RNF157: variants seen among roughly 807,000 people sequenced by gnomAD.
RNF157 encodes ring finger protein 157.
A neutral mutation model predicts 88.3 loss-of-function variants in RNF157; 55 were observed. That is an observed-to-expected ratio of 0.62 (90% confidence interval 0.50 to 0.78). RNF157 has a LOEUF of 0.78. RNF157 is among the 30% of genes least tolerant of loss of function. The pLI is 0.00. For missense variants in RNF157, 788 were observed against 860.8 expected (o/e 0.92, Z 1.06); for synonymous variants, 334 against 341.2 (o/e 0.98, Z 0.23).
chr17:76,171,053 C>T (rs1441580939), intron 3 of RNF157, among the ~76,000 whole-genome samples: 3 of 151,362 alleles, frequency 2.0e-5, no homozygotes, highest in Admixed American at 6.6e-5. Flanking sequence ...CCACCATGCC[C>T]GGCTAATTTT....
intron 1 of RNF157, among the ~76,000 whole-genome samples, chr17:76,235,490 G>A (rs576332789): frequency 9.9e-5 from 15 of 152,238 alleles, no homozygotes; most frequent in Admixed American, 5.2e-4. Flanking sequence ...GAGCCACTGC[G>A]CCCAGCCGTA....
At chr17:76,162,526 C>T in intron 9 of RNF157, 26 bp downstream of exon 9, 1 of 1,564,896 alleles carries the variant, frequency 6.4e-7, no homozygotes, top group Non-Finnish European at 8.8e-7. Flanking sequence ...GGAAAGAGTA[C>T]ATTCAGAATT....
chr17:76,226,481 G>A, intron 1 of RNF157: 2 of 1,610,424 alleles, frequency 1.2e-6, no homozygotes, highest in East Asian at 2.2e-5. Context: ...AAGGTCATCT[G>A]GCATGGTTTC....
At chr17:76,227,568 C>T (rs1036649578) in intron 1 of RNF157, among the ~76,000 whole-genome samples, 2 of 151,814 alleles carry the variant, frequency 1.3e-5, no homozygotes, top group Non-Finnish European at 2.9e-5. Context: ...ATAATCTGTC[C>T]AAGGTCACAC....
At chr17:76,159,795 A>G (rs2068821339) in intron 11 of RNF157, among the ~76,000 whole-genome samples, 1 of 152,030 alleles carries the variant, frequency 6.6e-6, no homozygotes, top group Non-Finnish European at 1.5e-5. Flanking sequence ...TTTTTTTCTG[A>G]TTATAATGGA....
intron 1 of RNF157, chr17:76,225,922 G>C (rs2070075466): frequency 6.2e-7 from 1 of 1,613,210 alleles, no homozygotes. Context: ...TCTTCTGGCG[G>C]TACCTAGTGG....
intron 2 of RNF157, among the ~76,000 whole-genome samples, chr17:76,201,323 C>CAA (rs780243656): frequency 0.062 from 3,683 of 59,612 alleles, 288 homozygotes; most frequent in African/African-American, 0.15. Context: ...CTAGTCTCTA[C>CAA]AAAAAAAAAA....
Position 76,194,803 on chromosome 17 carries a change from C to G in RNF157, c.207+17561G>C, listed in dbSNP as rs561078419. 2.0e-3 allele frequency among the ~76,000 whole-genome samples: 297 copies of G among 152,248 alleles called. 4 individuals carry two copies. The East Asian group carries it at 0.02, about 10-fold the overall frequency. ...GGCCAAGGTGGGCAGATCACGAGGT[C>G]AGGAGATCGAGACCATCCTGGCTAA... On this transcript the variant is annotated intron_variant, in intron 2 of 18. Coordinates refer to ENST00000269391, the MANE Select transcript of RNF157 (RefSeq NM_052916.3).
At chr17:76,205,900 T>C (rs1397092937) in intron 2 of RNF157, among the ~76,000 whole-genome samples, 2 of 151,758 alleles carry the variant, frequency 1.3e-5, no homozygotes, top group Non-Finnish European at 2.9e-5. Flanking sequence ...ACTTTCCTTA[T>C]AAAATGAGAG....
chr17:76,226,089 C>T (rs191918826), intron 1 of RNF157: 4 of 1,601,964 alleles, frequency 2.5e-6, no homozygotes, highest in Middle Eastern at 1.7e-4. Context: ...TTTGGAGAGC[C>T]CCTGGTAGAG....
At chr17:76,238,121 A>G (rs995740822) in intron 1 of RNF157, among the ~76,000 whole-genome samples, 2 of 151,980 alleles carry the variant, frequency 1.3e-5, no homozygotes, top group African/African-American at 4.8e-5. Flanking sequence ...TTAGCTAGGC[A>G]TGGTGGTCAT....
At position 76,218,257 on chromosome 17, in the gene RNF157, A is replaced by G. The variant is rs150457856; in HGVS notation, c.89-5775T>C. The stretch of plus-strand genomic sequence containing the variant: ...TCGGTGTCATCAGACTTTTCAACAG[A>G]AACACTTTATGTCAGAAGACAAGGG... On this transcript the variant is annotated intron_variant, in intron 1 of 18. Transcript: ENST00000269391. Among the ~76,000 whole-genome samples the G allele has an allele frequency of 1.7e-3, 263 of 152,340 alleles. 2 individuals are homozygous for G. The highest frequency in any genetic ancestry group is 5.8e-3 in the African/African-American group (243 of 41,568).
intron 1 of RNF157, among the ~76,000 whole-genome samples, chr17:76,237,522 C>A (rs1157161336): frequency 2.0e-5 from 3 of 152,152 alleles, no homozygotes; most frequent in Non-Finnish European, 4.4e-5. Flanking sequence ...AATTATGACA[C>A]GAAATAGCCT....
At chr17:76,171,155 G>A (rs2069007388) in intron 3 of RNF157, among the ~76,000 whole-genome samples, 1 of 151,570 alleles carries the variant, frequency 6.6e-6, no homozygotes, top group African/African-American at 2.4e-5. Flanking sequence ...GCCTCCCAAA[G>A]TGCTGGGATT....
intron 2 of RNF157, among the ~76,000 whole-genome samples, chr17:76,205,100 C>T (rs1345271484): frequency 6.6e-6 from 1 of 151,244 alleles, no homozygotes; most frequent in Non-Finnish European, 1.5e-5. Flanking sequence ...TTCCTTCCTC[C>T]CTCCCTCGTT....
In RNF157 at chr17:76,230,935, CTT is replaced by C. The variant is rs149390437; in HGVS notation, c.88+9216_88+9217del. Among the ~76,000 whole-genome samples the C allele has an allele frequency of 2.9e-3, 378 of 132,626 alleles. 4 individuals carry two copies. The highest frequency in any genetic ancestry group is 6.8e-3 in the African/African-American group (240 of 35,304). 87.0% of individuals were successfully genotyped at this position (132,626 alleles called of 152,430 possible). On this transcript the variant is annotated intron_variant, in intron 1 of 18. Coordinates refer to ENST00000269391, the MANE Select transcript of RNF157 (RefSeq NM_052916.3). Reference sequence around the variant, plus strand: ...CTTTTCTTAGATTAAAAGATTTAATCTTTTTTTTTTTTTCTTTTTTAAAGTTA... The same window carrying C: ...CTTTTCTTAGATTAAAAGATTTAATCTTTTTTTTTTTCTTTTTTAAAGTTA...
At chr17:76,169,620 C>T (rs1354815963) in intron 3 of RNF157, among the ~76,000 whole-genome samples, 4 of 147,074 alleles carry the variant, frequency 2.7e-5, no homozygotes, top group Admixed American at 1.4e-4. Context: ...TGATCTGTCA[C>T]CCAGGCTGGA....
At chr17:76,172,504 T>G (rs1049015004) in intron 3 of RNF157, among the ~76,000 whole-genome samples, 1 of 146,128 alleles carries the variant, frequency 6.8e-6, no homozygotes, top group African/African-American at 2.6e-5. Flanking sequence ...GGCAGAAGAA[T>G]CCCTTGAACC....
rs143768069 is a variant in RNF157, at chr17:76,173,324, A to T, written c.296+378T>A. ...AAAGAAAAAGAAAATATAGCAATAA[A>T]ATAAAGGATTTGATATTCTAAGTTC... On this transcript the variant is annotated intron_variant, in intron 3 of 18. Coordinates refer to ENST00000269391, the MANE Select transcript of RNF157 (RefSeq NM_052916.3). Among the ~76,000 whole-genome samples the T allele has an allele frequency of 6.0e-3, 921 of 152,300 alleles. 12 individuals are homozygous for T. Among genetic ancestry groups the T allele is most frequent in the Middle Eastern group, 0.017 (5 of 292 alleles).
Sources: gnomAD v4.1 joint callset for allele counts (sites outside exome capture counted in the v4.1 genomes callset) on GRCh38, gnomAD v4.1.1 for gene constraint, MANE v1.5 for transcripts, NCBI Gene and HGNC (gene_info 2026-07-23, HGNC 2026-07-21) for gene names.